The following ZNF423 variants were observed in gnomAD, a reference collection of about 807,000 sequenced individuals.
ZNF423 encodes zinc finger protein 423, also known as Ebf-associated zinc finger protein.
ZNF423 carries 12 observed loss-of-function variants against 95.8 expected under a neutral mutation model. The observed-to-expected ratio is 0.13, with a 90% confidence interval of 0.08 to 0.20. The LOEUF (loss-of-function observed/expected upper bound fraction) is 0.20. ZNF423 is among the 10% of genes least tolerant of loss of function. The pLI, the probability that ZNF423 is intolerant of heterozygous loss-of-function variation, is 1.00. For missense variants in ZNF423, 1,316 were observed against 1,737.1 expected, an observed-to-expected ratio of 0.76 and a Z score of 4.31; for synonymous variants, 749 against 711.9, an observed-to-expected ratio of 1.05 and a Z score of -0.83.
intron 2 of ZNF423, among the ~76,000 whole-genome samples, chr16:49,738,877 G>GA (rs377761929): frequency 2.0e-5 from 3 of 152,134 alleles, no homozygotes; most frequent in African/African-American, 7.2e-5. Context: ...GCATATCCAG[G>GA]GGTTACCAGA....
At chr16:49,688,054 GTTTTT>G (rs5816653) in intron 3 of ZNF423, among the ~76,000 whole-genome samples, 1 of 88,184 alleles carries the variant, frequency 1.1e-5, no homozygotes, top group South Asian at 4.5e-4. Context: ...CCACGGTGCG[GTTTTT>G]TTTTTTTTTT....
chr16:49,580,585 G>T (rs923673126), intron 5 of ZNF423, among the ~76,000 whole-genome samples: 1 of 152,260 alleles, frequency 6.6e-6, no homozygotes, highest in African/African-American at 2.4e-5. Flanking sequence ...AGAAAGGAGA[G>T]CTTTGAACAC....
At chr16:49,698,994 AGG>A (rs1421914792) in intron 3 of ZNF423, among the ~76,000 whole-genome samples, 1 of 152,208 alleles carries the variant, frequency 6.6e-6, no homozygotes, top group East Asian at 1.9e-4. Flanking sequence ...GAGTCCCCAA[AGG>A]GGCTCAAATA....
intron 5 of ZNF423, among the ~76,000 whole-genome samples, chr16:49,609,661 G>A (rs1455687820): frequency 6.6e-6 from 1 of 151,892 alleles, no homozygotes; most frequent in Non-Finnish European, 1.5e-5. Flanking sequence ...ATAGGAGATA[G>A]AATAATAAAA....
intron 5 of ZNF423, among the ~76,000 whole-genome samples, chr16:49,532,890 C>A (rs1292609352): frequency 6.6e-6 from 1 of 152,168 alleles, no homozygotes; most frequent in Non-Finnish European, 1.5e-5. Context: ...CGCAATAAAC[C>A]GACATCGCAT....
chr16:49,782,427 C>T (rs996655791), intron 2 of ZNF423, among the ~76,000 whole-genome samples: 8 of 152,332 alleles, frequency 5.3e-5, no homozygotes, highest in African/African-American at 9.6e-5. Context: ...ATGGGAGTGA[C>T]GGTTCCTATT....
chr16:49,750,138 A>C (rs978285637), intron 2 of ZNF423, among the ~76,000 whole-genome samples: 4 of 152,188 alleles, frequency 2.6e-5, no homozygotes, highest in African/African-American at 9.7e-5. Flanking sequence ...GCTCGGGGTG[A>C]GTCACATCGG....
intron 5 of ZNF423, among the ~76,000 whole-genome samples, chr16:49,623,113 G>A (rs913557316): frequency 2.0e-5 from 3 of 152,224 alleles, no homozygotes; most frequent in Admixed American, 1.3e-4. Context: ...TGGCTCACCC[G>A]GGGTTCCATG....
intron 7 of ZNF423, among the ~76,000 whole-genome samples, chr16:49,513,897 G>A (rs1323583588): frequency 6.6e-6 from 1 of 151,986 alleles, no homozygotes; most frequent in East Asian, 1.9e-4. Context: ...CTTCCTGCAG[G>A]CAGATAGGCA....
chr16:49,677,267 A>AGAAGGGAAGGGAAGGGAAGG (rs2031109966), intron 3 of ZNF423, among the ~76,000 whole-genome samples: 1 of 62,658 alleles, frequency 1.6e-5, no homozygotes, highest in Non-Finnish European at 3.3e-5. Flanking sequence ...AGAAGAGAAG[A>AGAAGGGAAGGGAAGGGAAGG]GAAGAGAAGA....
chr16:49,598,142 G>GGGCGACAGAGCGAGACTCCGTCTCAAA (rs1189406664), intron 5 of ZNF423, among the ~76,000 whole-genome samples: 22 of 150,358 alleles, frequency 1.5e-4, no homozygotes, highest in Non-Finnish European at 2.2e-4. Flanking sequence ...GTGTGTATTT[G>GGGCGACAGAGCGAGACTCCGTCTCAAA]AAGAAAACAG....
In ZNF423 at chr16:49,692,070, C is replaced by T. The variant is rs552530825; in HGVS notation, c.301+38701G>A. On this transcript the variant is annotated intron_variant, in intron 3 of 7. Coordinates refer to ENST00000563137, the MANE Select transcript of ZNF423 (RefSeq NM_001379286.1). ...GCTCAAGAGATCCTCTAGCCTCAGC[C>T]GCCAGAGTAGCTGGGTCTACAGATG... 5.3e-5 allele frequency among the ~76,000 whole-genome samples: 8 copies of T among 152,216 alleles called. No individual in the cohort carries two copies. The East Asian group carries it at 9.8e-4, about 19-fold the overall frequency.
intron 3 of ZNF423, among the ~76,000 whole-genome samples, chr16:49,719,877 G>C (rs529379383): frequency 6.6e-6 from 1 of 152,186 alleles, no homozygotes; most frequent in African/African-American, 2.4e-5. Flanking sequence ...TCTCAGGAAC[G>C]CACGAGAGAG....
At chr16:49,651,714 G>C (rs996430421) in intron 3 of ZNF423, among the ~76,000 whole-genome samples, 5 of 152,204 alleles carry the variant, frequency 3.3e-5, no homozygotes, top group Non-Finnish European at 7.3e-5. Context: ...TATCTGTAAG[G>C]CGTTATATAT....
intron 3 of ZNF423, among the ~76,000 whole-genome samples, chr16:49,682,058 C>T (rs1036997985): frequency 6.6e-6 from 1 of 151,616 alleles, no homozygotes; most frequent in East Asian, 2.0e-4. Flanking sequence ...CATTTCTGTC[C>T]TCTAATTACC....
chr16:49,491,427 T>C, intron 7 of ZNF423, 123 bp from the exon 8 acceptor site: 1 of 1,266,976 alleles, frequency 7.9e-7, no homozygotes, highest in East Asian at 2.4e-5. Flanking sequence ...CAAAACAAAA[T>C]GCAACAAGGA....
chr16:49,764,232 C>T (rs1177848672), intron 2 of ZNF423, among the ~76,000 whole-genome samples: 1 of 152,218 alleles, frequency 6.6e-6, no homozygotes, highest in East Asian at 1.9e-4. Context: ...CAGCCTCTCA[C>T]CACCAGTCCC....
chr16:49,609,456 A>T (rs930329535), intron 5 of ZNF423, among the ~76,000 whole-genome samples: 19 of 152,212 alleles, frequency 1.2e-4, no homozygotes, highest in African/African-American at 4.3e-4. Flanking sequence ...TTACGTCAAT[A>T]AACAATTATG....
At chr16:49,788,074 C>A (rs73575584) in intron 2 of ZNF423, among the ~76,000 whole-genome samples, 3,113 of 152,342 alleles carry the variant, frequency 0.02, 103 homozygotes, top group African/African-American at 0.071. Flanking sequence ...AGTGCTGACC[C>A]CAAGGCCTGT....
Sources: gnomAD v4.1 joint callset for allele counts (sites outside exome capture counted in the v4.1 genomes callset) on GRCh38, gnomAD v4.1.1 for gene constraint, MANE v1.5 for transcripts, NCBI Gene and HGNC (gene_info 2026-07-23, HGNC 2026-07-21) for gene names.